LOC122539214: variants seen among roughly 807,000 people sequenced by gnomAD.
the LOC122539214 span, among the ~76,000 whole-genome samples, chr19:52,670,879 T>C: frequency 6.6e-6 from 1 of 152,224 alleles, no homozygotes; most frequent in Non-Finnish European, 1.5e-5. Flanking sequence ...CTGGGATCAA[T>C]AGAGAGGAAA....
At chr19:52,662,005 G>T in the LOC122539214 span, among the ~76,000 whole-genome samples, 3 of 152,096 alleles carry the variant, frequency 2.0e-5, no homozygotes. Context: ...CGTGGCTGGA[G>T]CAGAGGGAGT....
chr19:52,689,992 T>C, the LOC122539214 span, among the ~76,000 whole-genome samples: 5 of 152,000 alleles, frequency 3.3e-5, no homozygotes, highest in South Asian at 6.2e-4. Context: ...CGACGGCGCC[T>C]GAGGACAAGG....
the LOC122539214 span, among the ~76,000 whole-genome samples, chr19:52,689,652 T>C: frequency 1.3e-5 from 2 of 152,202 alleles, no homozygotes; most frequent in Non-Finnish European, 2.9e-5. Context: ...CTTTTCACTT[T>C]TGCTGTCTCT....
the LOC122539214 span, among the ~76,000 whole-genome samples, chr19:52,659,000 C>G: frequency 6.6e-6 from 1 of 152,024 alleles, no homozygotes; most frequent in African/African-American, 2.4e-5. Context: ...GGTGTGCAGG[C>G]GATTGGGCAC....
the LOC122539214 span, among the ~76,000 whole-genome samples, chr19:52,682,770 T>C: frequency 1.3e-5 from 2 of 152,124 alleles, no homozygotes; most frequent in African/African-American, 4.8e-5. Flanking sequence ...TTTGGGAGGC[T>C]AAAATGGGGA....
chr19:52,653,335 ACT>A, the LOC122539214 span: 1 of 1,260,644 alleles, frequency 7.9e-7, no homozygotes, highest in African/African-American at 1.5e-5. Context: ...TCCAGTATGA[ACT>A]CTCTGATGTT....
chr19:52,666,890 T>C, the LOC122539214 span, among the ~76,000 whole-genome samples: 4 of 152,166 alleles, frequency 2.6e-5, no homozygotes, highest in African/African-American at 7.2e-5. Flanking sequence ...CAATAAGTGA[T>C]AAAGAAACTC....
At chr19:52,687,743 T>G in the LOC122539214 span, among the ~76,000 whole-genome samples, 1 of 145,132 alleles carries the variant, frequency 6.9e-6, no homozygotes, top group East Asian at 2.0e-4. Context: ...GAGGATCACT[T>G]GACCCCAGGG....
the LOC122539214 span, among the ~76,000 whole-genome samples, chr19:52,678,132 C>T: frequency 1.3e-5 from 2 of 151,704 alleles, no homozygotes; most frequent in African/African-American, 4.9e-5. Flanking sequence ...AACAATAATG[C>T]GCTAACTAAA....
the LOC122539214 span, chr19:52,655,570 C>G: frequency 4.7e-6 from 7 of 1,501,414 alleles, no homozygotes; most frequent in East Asian, 2.3e-5. Context: ...CCCACAGACT[C>G]CAGGTTCCTG....
At chr19:52,690,464 C>A in the LOC122539214 span, 1 of 188,124 alleles carries the variant, frequency 5.3e-6, no homozygotes, top group Non-Finnish European at 1.2e-5. Context: ...GACCGTCACT[C>A]CACGCGATCC....
the LOC122539214 span, among the ~76,000 whole-genome samples, chr19:52,666,263 G>A: frequency 6.6e-6 from 1 of 151,846 alleles, no homozygotes; most frequent in East Asian, 1.9e-4. Context: ...AAGAGACAGA[G>A]AGTCAGAAAA....
chr19:52,670,482 T>C, the LOC122539214 span, among the ~76,000 whole-genome samples: 1 of 152,288 alleles, frequency 6.6e-6, no homozygotes, highest in East Asian at 1.9e-4. Flanking sequence ...TAAATTGCCT[T>C]TCTGAGAAGA....
chr19:52,676,225 T>C, the LOC122539214 span, among the ~76,000 whole-genome samples: 22 of 152,234 alleles, frequency 1.4e-4, no homozygotes, highest in Admixed American at 2.0e-4. Context: ...GTGAGTGATC[T>C]GCCAGCCTCG....
the LOC122539214 span, among the ~76,000 whole-genome samples, chr19:52,656,790 C>A: frequency 6.8e-6 from 1 of 147,678 alleles, no homozygotes; most frequent in East Asian, 2.0e-4. Flanking sequence ...CACTTGAACT[C>A]GGGAGGCTGA....
the LOC122539214 span, among the ~76,000 whole-genome samples, chr19:52,658,021 G>A: frequency 1.5e-3 from 228 of 151,032 alleles, 1 homozygote; most frequent in Non-Finnish European, 2.6e-3. Context: ...CTGTAATCCC[G>A]GCTATTCAAA....
chr19:52,683,660 G>A, the LOC122539214 span, among the ~76,000 whole-genome samples: 1 of 152,308 alleles, frequency 6.6e-6, no homozygotes, highest in South Asian at 2.1e-4. Context: ...GGCTGAAGAT[G>A]CAGGGTCTGG....
chr19:52,690,214 G>A, the LOC122539214 span, among the ~76,000 whole-genome samples: 1 of 151,112 alleles, frequency 6.6e-6, no homozygotes, highest in Non-Finnish European at 1.5e-5. Flanking sequence ...ACAACTACGC[G>A]ATAGGAAGTG....
At chr19:52,670,357 A>T in the LOC122539214 span, among the ~76,000 whole-genome samples, 1 of 152,198 alleles carries the variant, frequency 6.6e-6, no homozygotes, top group Non-Finnish European at 1.5e-5. Flanking sequence ...CCTCGCCAAT[A>T]GGGGAATGAC....
Sources: gnomAD v4.1 joint callset for allele counts (sites outside exome capture counted in the v4.1 genomes callset) on GRCh38, gnomAD v4.1.1 for gene constraint, MANE v1.5 for transcripts.